NEGR1: variants seen among roughly 807,000 people sequenced by gnomAD.
NEGR1 encodes IgLON family member 4.
NEGR1 carries 10 observed loss-of-function variants against 40.9 expected under a neutral mutation model. The observed-to-expected ratio is 0.24, with a 90% CI of 0.15 to 0.42. NEGR1 has a LOEUF of 0.42. Among genes scored for constraint, NEGR1 ranks in the 10% least tolerant of loss-of-function variants. The pLI is 1.00. For synonymous variants in NEGR1, 185 were observed against 166.8 expected (o/e 1.11, Z -0.84); for missense variants, 352 against 438.9 (o/e 0.80, Z 1.77).
At chr1:71,572,348 T>G (rs2101494238) in intron 6 of NEGR1, among the ~76,000 whole-genome samples, 1 of 152,264 alleles carries the variant, frequency 6.6e-6, no homozygotes, top group South Asian at 2.1e-4. Context: ...AACGTAAGGC[T>G]CTGTTCAGAT....
chr1:72,229,697 A>G (rs1654299403), intron 1 of NEGR1, among the ~76,000 whole-genome samples: 1 of 151,786 alleles, frequency 6.6e-6, no homozygotes, highest in South Asian at 2.1e-4. Context: ...GATCTAATGA[A>G]CAAAGTTTCC....
chr1:71,821,333 G>A (rs1013820053), intron 2 of NEGR1, among the ~76,000 whole-genome samples: 6 of 151,984 alleles, frequency 3.9e-5, no homozygotes, highest in African/African-American at 1.4e-4. Flanking sequence ...ATGTGAAATA[G>A]AACCTGTGAA....
chr1:71,482,663 G>A (rs1048467150), intron 6 of NEGR1, among the ~76,000 whole-genome samples: 7 of 151,792 alleles, frequency 4.6e-5, no homozygotes, highest in East Asian at 1.9e-4. Flanking sequence ...TTTAAAAGCC[G>A]CAAAATAGCA....
intron 6 of NEGR1, among the ~76,000 whole-genome samples, chr1:71,519,756 CA>C (rs1342471340): frequency 4.5e-5 from 6 of 133,878 alleles, no homozygotes; most frequent in African/African-American, 6.8e-5. Context: ...TAAAAAAAAA[CA>C]AAAAAAGATC....
intron 1 of NEGR1, among the ~76,000 whole-genome samples, chr1:72,069,205 T>C (rs572220573): frequency 6.6e-6 from 1 of 151,254 alleles, no homozygotes; most frequent in Non-Finnish European, 1.5e-5. Context: ...AGCTCAAGAG[T>C]TCAAGACCAG....
intron 1 of NEGR1, among the ~76,000 whole-genome samples, chr1:72,090,807 T>C (rs1648452952): frequency 6.6e-6 from 1 of 152,148 alleles, no homozygotes; most frequent in South Asian, 2.1e-4. Context: ...TGTGGGGTTT[T>C]GAGTAAGTCA....
At chr1:71,949,785 T>G (rs1006358283) in intron 1 of NEGR1, among the ~76,000 whole-genome samples, 1 of 152,126 alleles carries the variant, frequency 6.6e-6, no homozygotes, top group African/African-American at 2.4e-5. Context: ...AGTCTCCTTT[T>G]ATCTTCTTGT....
chr1:72,204,350 C>G (rs1015082206), intron 1 of NEGR1, among the ~76,000 whole-genome samples: 1 of 152,038 alleles, frequency 6.6e-6, no homozygotes, highest in Non-Finnish European at 1.5e-5. Context: ...CCAACCTGTG[C>G]AATCCAAATA....
At chr1:72,241,134 AT>A (rs1217051051) in intron 1 of NEGR1, among the ~76,000 whole-genome samples, 2 of 151,594 alleles carry the variant, frequency 1.3e-5, no homozygotes, top group African/African-American at 4.8e-5. Flanking sequence ...CGCTAATGTC[AT>A]TTTTCAATGG....
chr1:71,832,985 T>C lies in NEGR1; in HGVS notation c.410-56688A>G, dbSNP rs185226462. The stretch of plus-strand genomic sequence containing the variant: ...CTCAAAATGGAAAGAATCAGTTATC[T>C]GTGATGTCCTGAAGTAGCACTGATA... On this transcript the variant is annotated intron_variant, in intron 2 of 6. Transcript: ENST00000357731. Among the ~76,000 whole-genome samples the C allele has an allele frequency of 1.8e-4, 28 of 152,166 alleles. 1 individual carries two copies. The highest frequency in any genetic ancestry group is 1.6e-3 in the Admixed American group (24 of 15,260).
intron 1 of NEGR1, among the ~76,000 whole-genome samples, chr1:72,125,020 A>T (rs1490582096): frequency 1.3e-5 from 2 of 152,112 alleles, no homozygotes; most frequent in Non-Finnish European, 2.9e-5. Flanking sequence ...TAACTTACTT[A>T]GTTCTTAAGT....
chr1:71,450,148 G>A lies in NEGR1; in HGVS notation c.941-42578C>T, dbSNP rs1454398890. ...TGGGATTACATGGGCGTGCCACCAC[G>A]CCTGGCTAATTTTTGTATTTTTAGT... On this transcript the variant is annotated intron_variant, in intron 6 of 6. Transcript: ENST00000357731. Among the ~76,000 whole-genome samples, 5 of 151,734 alleles carry A rather than the reference G, an allele frequency of 3.3e-5. No homozygotes were observed. The South Asian group carries it at 8.3e-4, about 25-fold the overall frequency.
chr1:72,218,163 T>C (rs1455619643), intron 1 of NEGR1, among the ~76,000 whole-genome samples: 2 of 151,928 alleles, frequency 1.3e-5, no homozygotes, highest in Admixed American at 6.6e-5. Context: ...TAAAACTACT[T>C]AAATTCCATA....
chr1:71,792,413 C>T (rs758475788), intron 2 of NEGR1, among the ~76,000 whole-genome samples: 4 of 152,096 alleles, frequency 2.6e-5, no homozygotes, highest in Admixed American at 1.3e-4. Flanking sequence ...TGATGAGTAA[C>T]GTAAGAGCCC....
intron 6 of NEGR1, among the ~76,000 whole-genome samples, chr1:71,422,165 C>G (rs1481521347): frequency 6.6e-6 from 1 of 152,118 alleles, no homozygotes; most frequent in Non-Finnish European, 1.5e-5. Context: ...CTCACGAATA[C>G]AAATGAAGGT....
intron 1 of NEGR1, among the ~76,000 whole-genome samples, chr1:71,977,081 G>A (rs1481865537): frequency 2.0e-5 from 3 of 152,142 alleles, no homozygotes; most frequent in Admixed American, 1.3e-4. Flanking sequence ...TCAGGACTTC[G>A]GGAGGCCGAG....
intron 3 of NEGR1, among the ~76,000 whole-genome samples, chr1:71,755,255 A>G (rs1369877906): frequency 6.6e-6 from 1 of 152,022 alleles, no homozygotes; most frequent in African/African-American, 2.4e-5. Context: ...ATATTATGGG[A>G]TTCCCCGAGT....
intron 1 of NEGR1, among the ~76,000 whole-genome samples, chr1:72,169,049 A>G (rs1030246184): frequency 6.6e-6 from 1 of 152,236 alleles, no homozygotes; most frequent in East Asian, 1.9e-4. Context: ...GGAGACAACC[A>G]TAAGAAAGAA....
At chr1:71,436,763 T>C (rs1646512367) in intron 6 of NEGR1, among the ~76,000 whole-genome samples, 1 of 152,244 alleles carries the variant, frequency 6.6e-6, no homozygotes, top group African/African-American at 2.4e-5. Flanking sequence ...AAGACCTTTA[T>C]GATGATCCAC....
Sources: allele counts gnomAD v4.1 joint callset (sites outside exome capture counted in the v4.1 genomes callset), GRCh38; gene constraint gnomAD v4.1.1; transcripts MANE v1.5; gene names NCBI Gene and HGNC (gene_info 2026-07-23, HGNC 2026-07-21).